ZNF331: variants seen among roughly 807,000 people sequenced by gnomAD.
ZNF331 encodes the protein C2H2-like zinc finger protein rearranged in thyroid adenomas.
A neutral mutation model predicts 7.0 loss-of-function variants in ZNF331; 2 were observed. That is an observed-to-expected ratio of 0.29 (90% CI 0.12 to 0.90). The LOEUF (loss-of-function observed/expected upper bound fraction) is 0.90, where lower values mean the gene tolerates loss of function less well. ZNF331 is among the 40% of genes least tolerant of loss of function. The pLI is 0.58. For missense variants in ZNF331, 432 were observed against 587.7 expected, an observed-to-expected ratio of 0.74 and a Z score of 2.74; for synonymous variants, 196 against 205.4, an observed-to-expected ratio of 0.95 and a Z score of 0.39.
the ZNF331 span, among the ~76,000 whole-genome samples, chr19:53,513,181 G>A: frequency 6.6e-6 from 1 of 151,196 alleles, no homozygotes; most frequent in Non-Finnish European, 1.5e-5. Flanking sequence ...TGAGAAATCT[G>A]TCTGTCTGTC....
At chr19:53,523,595 C>G (rs2087174565) in intron 2 of ZNF331, 1 of 151,862 alleles carries the variant, frequency 6.6e-6, no homozygotes, top group Admixed American at 6.6e-5. Flanking sequence ...TGAATATTAA[C>G]TGCTTGTCAG....
Position 53,578,204 on chromosome 19 carries a change from CTT to C in ZNF331, c.*253_*254del. 1 of 452,214 alleles carries C rather than the reference CTT, an allele frequency of 2.2e-6. No individual in the cohort carries two copies. The highest frequency in any genetic ancestry group is 4.0e-6 in the Non-Finnish European group (1 of 249,520). 28.0% of individuals were successfully genotyped at this position (452,214 alleles called of 1,614,324 possible). On this transcript the variant is annotated 3_prime_UTR_variant, in exon 6 of 6. Coordinates refer to ENST00000449416, the MANE Select transcript of ZNF331 (RefSeq NM_001079906.2). ...TATACGCCACCCACCCTGCTAGTGA[CTT>C]AGTAGCCGTCTTGGTGATCAGATCA...
chr19:53,537,636 C>T (rs1447084603), upstream of ZNF331: 1 of 152,474 alleles, frequency 6.6e-6, no homozygotes, highest in East Asian at 1.9e-4. Flanking sequence ...AGAGACCATC[C>T]AGGAGTACGC....
At chr19:53,572,584 CATATATATTATATAT>C (rs1176357785) in intron 5 of ZNF331, among the ~76,000 whole-genome samples, 1 of 75,828 alleles carries the variant, frequency 1.3e-5, no homozygotes, top group East Asian at 2.5e-4. Context: ...TATATATACA[CATATATATTATATAT>C]ACACATATAT....
At position 53,558,728 on chromosome 19, in the gene ZNF331, G is replaced by A. The variant is rs2089589719; in HGVS notation, c.-74+2820G>A. 6.6e-6 allele frequency among the ~76,000 whole-genome samples: 1 copy of A among 151,774 alleles called. No individual in the cohort carries two copies. The highest frequency in any genetic ancestry group is 2.1e-4 in the South Asian group (1 of 4,822). On this transcript the variant is annotated intron_variant, in intron 3 of 5. Coordinates refer to ENST00000449416, the MANE Select transcript of ZNF331 (RefSeq NM_001079906.2). The surrounding 1 kb of genome is among the most constrained non-coding windows in gnomAD (Gnocchi z 4.5). ...GAGGCCTGCTTCTGAGGCTGAAAGT[G>A]CCCTAATATTAAGATTTTACCAAGG...
At chr19:53,529,212 T>C (rs2087430308) in intron 2 of ZNF331, among the ~76,000 whole-genome samples, 1 of 151,932 alleles carries the variant, frequency 6.6e-6, no homozygotes, top group Non-Finnish European at 1.5e-5. Context: ...CCATCCTGGC[T>C]AACACGGTGA....
chr19:53,512,517 G>A, the ZNF331 span: 4,109 of 151,682 alleles, frequency 0.027, 69 homozygotes, highest in Non-Finnish European at 0.044. Flanking sequence ...GAGGGCCCGC[G>A]GGGAGCTCTT....
upstream of ZNF331, among the ~76,000 whole-genome samples, chr19:53,535,322 C>G (rs1258668983): frequency 6.6e-6 from 1 of 152,154 alleles, no homozygotes; most frequent in Non-Finnish European, 1.5e-5. Flanking sequence ...GAACTCCTGG[C>G]CTCCAGTGAT....
the ZNF331 span, chr19:53,512,747 T>C: frequency 6.7e-6 from 1 of 149,738 alleles, no homozygotes; most frequent in Non-Finnish European, 1.5e-5. Flanking sequence ...TCCTGTGAGA[T>C]CAGCAGCGCC....
At chr19:53,533,756 T>C (rs1185687141), upstream of ZNF331, among the ~76,000 whole-genome samples, 1 of 152,208 alleles carries the variant, frequency 6.6e-6, no homozygotes, top group Non-Finnish European at 1.5e-5. Context: ...CTTTCTCTTC[T>C]TATAGTTTTT....
chr19:53,518,340 T>C (rs1203738446), upstream of ZNF331, among the ~76,000 whole-genome samples: 1 of 152,218 alleles, frequency 6.6e-6, no homozygotes, highest in Non-Finnish European at 1.5e-5. Flanking sequence ...ACTGCACAGT[T>C]GGCTTCCTTG....
rs148058020 is a variant in ZNF331, at chr19:53,557,248, G to A, written c.-74+1340G>A. ...GCTGGGGTTACAGGCATCACCCACC[G>A]TGTCCGGCCACAGCAAGCATTTATT... On this transcript the variant is annotated intron_variant, in intron 3 of 5. Coordinates refer to ENST00000449416, the MANE Select transcript of ZNF331 (RefSeq NM_001079906.2). 4.0e-3 allele frequency among the ~76,000 whole-genome samples: 614 copies of A among 152,160 alleles called. 7 individuals carry two copies. The highest frequency in any genetic ancestry group is 0.014 in the African/African-American group (583 of 41,524).
At chr19:53,570,998 A>C (rs2090420831) in intron 4 of ZNF331, among the ~76,000 whole-genome samples, 1 of 151,678 alleles carries the variant, frequency 6.6e-6, no homozygotes, top group South Asian at 2.1e-4. Flanking sequence ...AGCTGGGACT[A>C]CAGGCGCCCA....
At chr19:53,528,173 T>C (rs1030856556) in intron 2 of ZNF331, among the ~76,000 whole-genome samples, 2 of 152,266 alleles carry the variant, frequency 1.3e-5, no homozygotes, top group African/African-American at 4.8e-5. Flanking sequence ...ATGTCTCTAT[T>C]TCCCTAGTTG....
At chr19:53,574,810 A>G (rs934484500) in intron 5 of ZNF331, among the ~76,000 whole-genome samples, 2 of 152,140 alleles carry the variant, frequency 1.3e-5, no homozygotes, top group African/African-American at 4.8e-5. Context: ...ATCAGCTGTT[A>G]TAATTTAAAG....
In ZNF331 at chr19:53,578,452, GGA is replaced by G; in HGVS notation, c.*507_*508del. 4.4e-6 allele frequency: 1 copy of G among 229,538 alleles called. No individual in the cohort carries two copies. The highest frequency in any genetic ancestry group is 8.6e-6 in the Non-Finnish European group (1 of 115,870). 14.2% of individuals were successfully genotyped at this position (229,538 alleles called of 1,614,324 possible). ...ATCTACATGACAATAAGATATTTTG[GGA>G]GAGAGATACGTTCACATAATTTTAT... On this transcript the variant is annotated 3_prime_UTR_variant, in exon 6 of 6. Transcript: ENST00000449416.
At chr19:53,537,995 T>C (rs2087846238), upstream of ZNF331, 1 of 152,078 alleles carries the variant, frequency 6.6e-6, no homozygotes, top group Non-Finnish European at 1.5e-5. Context: ...TACGCTCACA[T>C]ACGTGTCGGG....
chr19:53,506,342 A>AAG, the ZNF331 span, among the ~76,000 whole-genome samples: 1 of 150,022 alleles, frequency 6.7e-6, no homozygotes, highest in Non-Finnish European at 1.5e-5. Flanking sequence ...CTCAAAAAAA[A>AAG]AAAAAAAAAA....
Position 53,577,055 on chromosome 19 carries a change from G to A in ZNF331, c.495G>A (p.Lys165=), listed in dbSNP as rs2090756930. Residue 165 remains lysine (K), a synonymous_variant, in exon 6 of 6, where the codon AAG becomes AAA. Coordinates refer to ENST00000449416, the MANE Select transcript of ZNF331 (RefSeq NM_001079906.2). ...AACCTTATGAATGTAAAGAATGTAAGAAGGCCTTCCGTTGGGGCAATCAGC... is the reference window on the plus strand; with the variant it reads ...AACCTTATGAATGTAAAGAATGTAAAAAGGCCTTCCGTTGGGGCAATCAGC... ...GEKPYECKEC[K]KAFRWGNQLT... is the part of the protein sequence containing the mutation. 1 of 1,613,582 alleles carries A rather than the reference G, an allele frequency of 6.2e-7. No individual in the cohort carries two copies. Among genetic ancestry groups the A allele is most frequent in the African/African-American group, 1.3e-5 (1 of 74,822 alleles).
Sources: allele counts gnomAD v4.1 joint callset (sites outside exome capture counted in the v4.1 genomes callset), GRCh38; gene constraint gnomAD v4.1.1; non-coding constraint Gnocchi (gnomAD v3.1); transcripts MANE v1.5; gene names NCBI Gene and HGNC (gene_info 2026-07-23, HGNC 2026-07-21).